The following DHRSX variants were observed in gnomAD, a reference collection of about 807,000 sequenced individuals.
The protein encoded by DHRSX is dehydrogenase/reductase X-linked.
Under a neutral mutation model 34.0 loss-of-function variants are expected in DHRSX, and 31 were observed. The ratio of observed to expected loss-of-function variants is 0.91; its 90% confidence interval spans 0.69 to 1.23. The LOEUF (loss-of-function observed/expected upper bound fraction) is 1.23, where lower values mean the gene tolerates loss of function less well. Among genes scored for constraint, DHRSX ranks in the 50% most tolerant of loss-of-function variants. The probability of loss-of-function intolerance (pLI) is 0.00; values close to 1 mark genes in which losing one functional copy is unlikely to be tolerated. For missense variants in DHRSX, 414 were observed against 428.1 expected (o/e 0.97, Z 0.29); for synonymous variants, 201 against 183.8 (o/e 1.09, Z -0.76).
intron 1 of DHRSX, among the ~76,000 whole-genome samples, chrX:2,440,735 G>T (rs1029383221): frequency 1.3e-5 from 2 of 152,052 alleles, no homozygotes; most frequent in Non-Finnish European, 2.9e-5. Context: ...ACTGAAGGCC[G>T]CACTCTCAGC....
intron 2 of DHRSX, among the ~76,000 whole-genome samples, chrX:2,416,894 T>C (rs1403781858): frequency 6.6e-6 from 1 of 152,158 alleles, no homozygotes; most frequent in Non-Finnish European, 1.5e-5. Context: ...AAGTTAAATT[T>C]CCCATCTCTT....
intron 1 of DHRSX, among the ~76,000 whole-genome samples, chrX:2,457,645 C>T (rs1157650608): frequency 2.6e-5 from 4 of 151,032 alleles, no homozygotes; most frequent in Non-Finnish European, 5.9e-5. Flanking sequence ...GAACCGCCAC[C>T]GTGGACATGC....
At chrX:2,367,171 G>A (rs1213596686) in intron 3 of DHRSX, among the ~76,000 whole-genome samples, 2 of 152,078 alleles carry the variant, frequency 1.3e-5, no homozygotes, top group Non-Finnish European at 2.9e-5. Flanking sequence ...CGGGCGCAGT[G>A]GCTCACACCT....
At chrX:2,262,018 C>T (rs188992175) in intron 5 of DHRSX, among the ~76,000 whole-genome samples, 241 of 152,262 alleles carry the variant, frequency 1.6e-3, no homozygotes, top group Non-Finnish European at 2.7e-3. Context: ...CAAGACTCCT[C>T]GTTCCCTCCT....
At chrX:2,239,065 C>A (rs1374754488) in intron 6 of DHRSX, among the ~76,000 whole-genome samples, 2 of 152,130 alleles carry the variant, frequency 1.3e-5, no homozygotes, top group African/African-American at 4.8e-5. Flanking sequence ...AATGCATATT[C>A]TTCTGCTCTA....
chrX:2,464,744 C>T (rs1306118482), intron 1 of DHRSX, among the ~76,000 whole-genome samples: 1 of 149,196 alleles, frequency 6.7e-6, no homozygotes, highest in Non-Finnish European at 1.5e-5. Flanking sequence ...GGACCGCCAC[C>T]TTATACACAC....
chrX:2,383,653 G>A (rs751420830), intron 3 of DHRSX, among the ~76,000 whole-genome samples: 232 of 152,264 alleles, frequency 1.5e-3, no homozygotes, highest in Non-Finnish European at 2.9e-3. Context: ...TTATATCCCA[G>A]TGATGTTCCA....
chrX:2,253,590 A>T (rs1226604420), intron 5 of DHRSX, among the ~76,000 whole-genome samples: 1 of 152,276 alleles, frequency 6.6e-6, no homozygotes, highest in Non-Finnish European at 1.5e-5. Flanking sequence ...ACTGCCAAAA[A>T]ACAAAATGAA....
intron 3 of DHRSX, among the ~76,000 whole-genome samples, chrX:2,372,506 G>A (rs1302817635): frequency 6.6e-6 from 1 of 152,082 alleles, no homozygotes; most frequent in African/African-American, 2.4e-5. Flanking sequence ...GACCCAACAA[G>A]GGCAAACGTA....
At chrX:2,490,897 G>A in intron 1 of DHRSX, 1 of 807,236 alleles carries the variant, frequency 1.2e-6, no homozygotes, top group Non-Finnish European at 2.0e-6. Flanking sequence ...GGGCCGGACG[G>A]CTGGACCTTC....
intron 1 of DHRSX, among the ~76,000 whole-genome samples, chrX:2,448,943 C>A (rs1420836767): frequency 1.3e-5 from 2 of 152,140 alleles, no homozygotes; most frequent in Non-Finnish European, 2.9e-5. Flanking sequence ...CATCCCAGCA[C>A]TTTGGGAGGC....
chrX:2,429,989 A>C (rs1249905031), intron 1 of DHRSX, among the ~76,000 whole-genome samples: 9 of 152,196 alleles, frequency 5.9e-5, no homozygotes, highest in Non-Finnish European at 1.3e-4. Flanking sequence ...CAGGTTAAAA[A>C]GGTAGGGGAA....
At chrX:2,485,053 G>C (rs1006478292) in intron 1 of DHRSX, among the ~76,000 whole-genome samples, 9 of 152,150 alleles carry the variant, frequency 5.9e-5, no homozygotes, top group Non-Finnish European at 1.0e-4. Flanking sequence ...CTGCAAAGTG[G>C]GGGGGAAACA....
chrX:2,355,306 G>C (rs908219755), intron 3 of DHRSX, among the ~76,000 whole-genome samples: 16 of 152,208 alleles, frequency 1.1e-4, no homozygotes, highest in African/African-American at 3.4e-4. Context: ...GAGCTCAGGA[G>C]TTTGAGACTA....
At chrX:2,267,018 C>T (rs1443977109) in intron 4 of DHRSX, 71 bp from the exon 5 acceptor site, 2 of 1,519,508 alleles carry the variant, frequency 1.3e-6, no homozygotes, top group African/African-American at 1.4e-5. Context: ...GATGGATTCC[C>T]CAGATGCGCA....
chrX:2,245,256 T>C (rs1476666806), intron 5 of DHRSX, among the ~76,000 whole-genome samples: 1 of 152,156 alleles, frequency 6.6e-6, no homozygotes, highest in Non-Finnish European at 1.5e-5. Flanking sequence ...CTCACCTACC[T>C]GTGAGCTGGA....
At position 2,249,513 on chromosome X, in the gene DHRSX, C is replaced by CTTTTTTTTT. The variant is rs753035485; in HGVS notation, c.597-6292_597-6284dup. ...CCACCACGCTCAGCCCTTTTTGTGC[C>CTTTTTTTTT]TTTTTTTTTTTTTTTTTTTTTTTTT... is the stretch of plus-strand genomic sequence containing the variant. On this transcript the variant is annotated intron_variant, in intron 5 of 6. Transcript: ENST00000334651. 1.3e-3 allele frequency among the ~76,000 whole-genome samples: 88 copies of CTTTTTTTTT among 70,186 alleles called. 3 individuals are homozygous for CTTTTTTTTT. The highest frequency in any genetic ancestry group is 4.1e-3 in the African/African-American group (86 of 21,060). The allele number at this position is 70,186 out of a possible 152,430, so 46.0% of individuals were successfully genotyped here.
chrX:2,344,631 A>T (rs989172875), intron 3 of DHRSX, among the ~76,000 whole-genome samples: 2 of 151,866 alleles, frequency 1.3e-5, no homozygotes, highest in Admixed American at 6.6e-5. Context: ...AGCAAACACC[A>T]CATGTTCTCA....
intron 1 of DHRSX, among the ~76,000 whole-genome samples, chrX:2,435,592 C>A (rs1417583518): frequency 3.9e-5 from 6 of 152,038 alleles, no homozygotes; most frequent in Non-Finnish European, 8.8e-5. Context: ...AGCAAGACCC[C>A]ATCTCTACAA....
Sources: gnomAD v4.1 joint callset for allele counts (sites outside exome capture counted in the v4.1 genomes callset) on GRCh38, gnomAD v4.1.1 for gene constraint, MANE v1.5 for transcripts, NCBI Gene and HGNC (gene_info 2026-07-23, HGNC 2026-07-21) for gene names.